GYPE: variants seen among roughly 807,000 people sequenced by gnomAD.
The protein encoded by GYPE is glycophorin-E.
In GYPE, 8 loss-of-function variants were observed where a neutral mutation model predicts 11.6. That is an observed-to-expected ratio of 0.69 (90% CI 0.41 to 1.25). GYPE has a LOEUF of 1.25. Ranked by LOEUF, GYPE falls within the 50% of genes most tolerant of loss-of-function variation. The pLI is 0.01. For missense variants in GYPE, 90 were observed against 92.8 expected, an observed-to-expected ratio of 0.97 and a Z score of 0.12; for synonymous variants, 28 against 29.6, an observed-to-expected ratio of 0.94 and a Z score of 0.18.
intron 1 of GYPE, among the ~76,000 whole-genome samples, chr4:143,902,907 C>T (rs140647430): frequency 0.016 from 2,454 of 151,792 alleles, 87 homozygotes; most frequent in African/African-American, 0.057. Context: ...TGATATAGTA[C>T]TGTATTTTCA....
At chr4:143,892,711 A>C (rs1314610823) in intron 1 of GYPE, among the ~76,000 whole-genome samples, 2 of 150,082 alleles carry the variant, frequency 1.3e-5, no homozygotes, top group African/African-American at 4.9e-5. Flanking sequence ...ACATTTGCTG[A>C]GGAGAGCTTT....
intron 3 of GYPE, chr4:143,873,412 A>G (rs953202370): frequency 4.4e-6 from 2 of 455,556 alleles, no homozygotes; most frequent in African/African-American, 2.0e-5. Flanking sequence ...CAGTTGAATA[A>G]TAAAGGTCTA....
chr4:143,881,685 G>T (rs1175386032), intron 1 of GYPE, among the ~76,000 whole-genome samples: 4 of 152,066 alleles, frequency 2.6e-5, no homozygotes, highest in African/African-American at 7.3e-5. Flanking sequence ...AATGTTCTGT[G>T]GTTTATTTTT....
Position 143,876,831 on chromosome 4 carries a change from G to A in GYPE, c.161C>T (p.Ala54Val), listed in dbSNP as rs763843605. 12 of 1,609,196 alleles carry A rather than the reference G, an allele frequency of 7.5e-6. No homozygotes were observed. Among genetic ancestry groups the A allele is most frequent in the Admixed American group, 3.3e-5 (2 of 59,852 alleles). ...CACCTCAAAAATAACACGAGCCATC[G>A]CCCACCAATTAATGAGTGTTATCCC... ...TNGITLINWW[A>V]MARVIFEVML... is the part of the protein sequence containing the mutation. Residue 54 changes from alanine to valine, a missense_variant, in exon 3 of 4, where the codon GCG becomes GTG. By Grantham distance (64) the Ala-to-Val change is moderately conservative. Transcript: ENST00000358615.
chr4:143,901,323 A>C (rs1260348627), intron 1 of GYPE, among the ~76,000 whole-genome samples: 1 of 152,150 alleles, frequency 6.6e-6, no homozygotes, highest in Non-Finnish European at 1.5e-5. Context: ...GAAAGCAGAG[A>C]TTGTGTTTGT....
intron 3 of GYPE, among the ~76,000 whole-genome samples, chr4:143,872,946 C>A (rs578127924): frequency 6.6e-6 from 1 of 151,986 alleles, no homozygotes; most frequent in Non-Finnish European, 1.5e-5. Flanking sequence ...AGCATGCTAA[C>A]AAGTGGTGAT....
rs796352454 is a variant in GYPE at position 143,877,043 on chromosome 4, G to A, written c.137-188C>T. On this transcript the variant is annotated intron_variant, in intron 2 of 3. Coordinates refer to ENST00000358615, the MANE Select transcript of GYPE (RefSeq NM_198682.3). Reference sequence around the variant, plus strand: ...TTTACAGTAACCTTGTGGGAAACTGGGACTGTGGGTGATCAAGTCTTTTGT... The same window carrying A: ...TTTACAGTAACCTTGTGGGAAACTGAGACTGTGGGTGATCAAGTCTTTTGT... Among the ~76,000 whole-genome samples the A allele has an allele frequency of 4.6e-5, 7 of 152,184 alleles. 1 individual carries two copies. Among genetic ancestry groups the A allele is most frequent in the African/African-American group, 1.7e-4 (7 of 41,522 alleles).
chr4:143,905,281 C>T lies in GYPE; in HGVS notation c.37+190G>A, dbSNP rs180837592. Among the ~76,000 whole-genome samples, 444 of 152,282 alleles carry T rather than the reference C, an allele frequency of 2.9e-3. 2 individuals carry two copies. The highest frequency in any genetic ancestry group is 1.0e-2 in the African/African-American group (414 of 41,548). ...AGAAAACTGGATTCGGCCATAAATA[C>T]TGGGCTCCCTTGTGCCATTTCCCCC... On this transcript the variant is annotated intron_variant, in intron 1 of 3. Coordinates refer to ENST00000358615, the MANE Select transcript of GYPE (RefSeq NM_198682.3).
chr4:143,876,933 A>C, intron 2 of GYPE, 78 bp from the exon 3 acceptor site: 1 of 785,964 alleles, frequency 1.3e-6, no homozygotes, highest in East Asian at 2.6e-5. Context: ...ATAAGATAAC[A>C]TCAGCATAAC....
At chr4:143,875,424 G>A in intron 3 of GYPE, 1 of 1,547,540 alleles carries the variant, frequency 6.5e-7, no homozygotes, top group South Asian at 1.2e-5. Flanking sequence ...GGAATAGCAG[G>A]TGCAGCCAGT....
At position 143,871,984 on chromosome 4, in the gene GYPE, T is replaced by A. The variant is rs1008672014; in HGVS notation, c.*278A>T. ...CTAGGCAAGGGGACACCAAACACAA[T>A]GAGGCATGGGATAAGGATTTCGTGA... is the stretch of plus-strand genomic sequence containing the variant. On this transcript the variant is annotated 3_prime_UTR_variant, in exon 4 of 4. Transcript: ENST00000358615. The A allele has an allele frequency of 9.9e-5, 15 of 152,204 alleles. No homozygotes were observed. Among genetic ancestry groups the A allele is most frequent in the South Asian group, 4.2e-4 (2 of 4,816 alleles). 9.4% of individuals were successfully genotyped at this position (152,204 alleles called of 1,614,324 possible).
intron 1 of GYPE, among the ~76,000 whole-genome samples, chr4:143,883,561 T>TA (rs1214198263): frequency 6.2e-5 from 9 of 144,074 alleles, no homozygotes; most frequent in African/African-American, 2.0e-4. Flanking sequence ...AATTTATAAT[T>TA]ATTAATAACA....
intron 3 of GYPE, chr4:143,873,561 A>G: frequency 4.7e-6 from 2 of 428,194 alleles, no homozygotes; most frequent in Admixed American, 2.6e-5. Context: ...TCTCTAATAT[A>G]TGATGCTCTG....
chr4:143,877,544 T>C (rs976237746), intron 2 of GYPE, among the ~76,000 whole-genome samples: 3 of 152,190 alleles, frequency 2.0e-5, no homozygotes, highest in East Asian at 1.9e-4. Context: ...TTATAGCATA[T>C]TTGTAGTGCT....
chr4:143,898,469 G>A (rs1245314836), intron 1 of GYPE, among the ~76,000 whole-genome samples: 1 of 152,108 alleles, frequency 6.6e-6, no homozygotes, highest in African/African-American at 2.4e-5. Flanking sequence ...ATTACAAACA[G>A]TGAAAAAGAT....
At chr4:143,875,547 G>C in intron 3 of GYPE, 1 of 1,550,694 alleles carries the variant, frequency 6.4e-7, no homozygotes, top group Non-Finnish European at 8.7e-7. Context: ...TTCAGCCTCT[G>C]CTTGACCATG....
chr4:143,882,981 G>A (rs1323476305), intron 1 of GYPE, among the ~76,000 whole-genome samples: 2 of 152,146 alleles, frequency 1.3e-5, no homozygotes, highest in African/African-American at 4.8e-5. Flanking sequence ...AGAATTAGGT[G>A]AGTGGTATGG....
intron 3 of GYPE, among the ~76,000 whole-genome samples, chr4:143,872,538 A>T (rs1195099626): frequency 6.6e-6 from 1 of 152,010 alleles, no homozygotes; most frequent in Non-Finnish European, 1.5e-5. Flanking sequence ...AATGAAAGAG[A>T]AATTAATGGG....
chr4:143,895,361 A>G (rs1305073863), intron 1 of GYPE, among the ~76,000 whole-genome samples: 1 of 152,160 alleles, frequency 6.6e-6, no homozygotes, highest in Non-Finnish European at 1.5e-5. Flanking sequence ...ATACAACAAT[A>G]ACAGACAAAC....
Sources: gnomAD v4.1 joint callset for allele counts (sites outside exome capture counted in the v4.1 genomes callset) on GRCh38, gnomAD v4.1.1 for gene constraint, MANE v1.5 for transcripts, NCBI Gene and HGNC (gene_info 2026-07-23, HGNC 2026-07-21) for gene names.